LMNTD1: variants seen among roughly 807,000 people sequenced by gnomAD.
LMNTD1 encodes the protein lamin tail domain containing 1.
A neutral mutation model predicts 50.9 loss-of-function variants in LMNTD1; 35 were observed. The observed-to-expected ratio is 0.69, with a 90% CI of 0.53 to 0.91. The LOEUF (loss-of-function observed/expected upper bound fraction) is 0.91. Among genes scored for constraint, LMNTD1 ranks in the 40% least tolerant of loss-of-function variants. LMNTD1 has a pLI of 0.00. For missense variants in LMNTD1, 470 were observed against 475.5 expected (o/e 0.99, Z 0.11); for synonymous variants, 153 against 161.9 (o/e 0.94, Z 0.42).
intron 4 of LMNTD1, among the ~76,000 whole-genome samples, chr12:25,540,984 A>T (rs1270305028): frequency 2.2e-5 from 3 of 136,292 alleles, no homozygotes; most frequent in African/African-American, 7.8e-5. Context: ...CAATTGCTTC[A>T]AAGAGAATAA....
At chr12:25,588,093 C>T (rs952310113) in intron 1 of LMNTD1, among the ~76,000 whole-genome samples, 2 of 152,034 alleles carry the variant, frequency 1.3e-5, no homozygotes, top group Admixed American at 1.3e-4. Context: ...AAGAACTGGC[C>T]ATGTCTCAGA....
At chr12:25,507,645 A>G (rs10743565) in intron 8 of LMNTD1, among the ~76,000 whole-genome samples, 99,660 of 152,054 alleles carry the variant, frequency 0.66, 33,108 homozygotes, top group Non-Finnish European at 0.71. Flanking sequence ...ACACACTCCC[A>G]GGGCATGATC....
At chr12:25,495,237 A>G (rs749025788) in intron 9 of LMNTD1, among the ~76,000 whole-genome samples, 5 of 113,002 alleles carry the variant, frequency 4.4e-5, no homozygotes, top group Admixed American at 9.9e-5. Flanking sequence ...TGCCAAAATC[A>G]TAAAGTGTGT....
At chr12:25,489,290 C>T (rs1195401120) in intron 9 of LMNTD1, among the ~76,000 whole-genome samples, 2 of 150,450 alleles carry the variant, frequency 1.3e-5, no homozygotes, top group African/African-American at 4.9e-5. Flanking sequence ...ATTCCGTGGG[C>T]GTAGGACCCT....
rs1325711537 is a variant in LMNTD1 at position 25,508,682 on chromosome 12, T to C, written c.1190-4882A>G. Reference sequence around the variant, plus strand: ...GCTGGTTTATGGGGTAATTAGTATGTGTATATTCATTTTTCTTGCCTTATT... The same window carrying C: ...GCTGGTTTATGGGGTAATTAGTATGCGTATATTCATTTTTCTTGCCTTATT... On this transcript the variant is annotated intron_variant, in intron 8 of 9. Coordinates refer to ENST00000458174, the MANE Select transcript of LMNTD1 (RefSeq NM_001145728.2). 2.0e-5 allele frequency among the ~76,000 whole-genome samples: 3 copies of C among 152,278 alleles called. No individual in the cohort carries two copies. In the East Asian group the frequency reaches 5.8e-4, roughly 29 times the overall value.
At chr12:25,532,436 A>G (rs1224866341) in intron 4 of LMNTD1, among the ~76,000 whole-genome samples, 9 of 152,072 alleles carry the variant, frequency 5.9e-5, no homozygotes, top group African/African-American at 1.9e-4. Flanking sequence ...GCCAACTTTT[A>G]TTCACCCAGT....
intron 1 of LMNTD1, among the ~76,000 whole-genome samples, chr12:25,605,409 T>A (rs1946075884): frequency 6.6e-6 from 1 of 152,192 alleles, no homozygotes; most frequent in African/African-American, 2.4e-5. Flanking sequence ...AAACATGAAG[T>A]CCTTGCCCAT....
At chr12:25,608,758 T>A (rs1279852134) in intron 1 of LMNTD1, among the ~76,000 whole-genome samples, 2 of 152,254 alleles carry the variant, frequency 1.3e-5, no homozygotes, top group Non-Finnish European at 2.9e-5. Flanking sequence ...TTAGCATTTT[T>A]TCCTTCATTT....
At chr12:25,617,464 G>A (rs1000836234) in intron 1 of LMNTD1, among the ~76,000 whole-genome samples, 1 of 152,150 alleles carries the variant, frequency 6.6e-6, no homozygotes, top group Non-Finnish European at 1.5e-5. Flanking sequence ...GCCTTTAGCA[G>A]GAGAATGGGC....
chr12:25,644,344 G>T (rs1045801504), intron 1 of LMNTD1, among the ~76,000 whole-genome samples: 4 of 138,962 alleles, frequency 2.9e-5, no homozygotes, highest in Non-Finnish European at 6.2e-5. Flanking sequence ...AATTAGCCAA[G>T]CATGGTGGCA....
At chr12:25,479,185 A>T (rs1686555062) in intron 9 of LMNTD1, among the ~76,000 whole-genome samples, 1 of 152,072 alleles carries the variant, frequency 6.6e-6, no homozygotes, top group Non-Finnish European at 1.5e-5. Context: ...GGCAATCTTA[A>T]CTTCCAGTTT....
intron 9 of LMNTD1, among the ~76,000 whole-genome samples, chr12:25,489,591 C>T (rs1005159751): frequency 6.6e-5 from 10 of 150,562 alleles, no homozygotes; most frequent in African/African-American, 1.7e-4. Flanking sequence ...CAGTCTTCTG[C>T]GTCGCTCACG....
chr12:25,604,453 T>C (rs1219499951), intron 1 of LMNTD1, among the ~76,000 whole-genome samples: 2 of 152,088 alleles, frequency 1.3e-5, no homozygotes, highest in African/African-American at 4.8e-5. Context: ...ACCCATTAAC[T>C]CGTCATTTAG....
intron 1 of LMNTD1, among the ~76,000 whole-genome samples, chr12:25,630,419 C>A (rs1946690640): frequency 6.6e-6 from 1 of 152,052 alleles, no homozygotes; most frequent in Non-Finnish European, 1.5e-5. Flanking sequence ...AATCAGCAGT[C>A]CCGAGAAGAC....
chr12:25,648,080 T>A (rs1947112510), intron 1 of LMNTD1, among the ~76,000 whole-genome samples: 2 of 152,208 alleles, frequency 1.3e-5, no homozygotes, highest in African/African-American at 4.8e-5. Context: ...ATAAAAGTAA[T>A]GCATATTTAT....
chr12:25,618,234 C>A lies in LMNTD1; in HGVS notation c.58+30260G>T, dbSNP rs79077885. Among the ~76,000 whole-genome samples the A allele has an allele frequency of 4.5e-3, 679 of 152,214 alleles. 2 individuals carry two copies. The highest frequency in any genetic ancestry group is 0.016 in the African/African-American group (654 of 41,526). ...ATCTCAGCCAAGCCTGCCCATTAGT[C>A]AGTAGGGGAGCTTTTAGAAAGTTCC... On this transcript the variant is annotated intron_variant, in intron 1 of 7. Transcript: ENST00000445693.
chr12:25,648,097 G>A (rs1240059803), intron 1 of LMNTD1, among the ~76,000 whole-genome samples: 2 of 152,106 alleles, frequency 1.3e-5, no homozygotes, highest in Admixed American at 6.5e-5. Flanking sequence ...TTATTGGAGG[G>A]AATTTGGAAA....
chr12:25,619,366 T>A (rs948494686), intron 1 of LMNTD1, among the ~76,000 whole-genome samples: 1 of 151,974 alleles, frequency 6.6e-6, no homozygotes, highest in Non-Finnish European at 1.5e-5. Flanking sequence ...TGACTTAAAA[T>A]GTAAAAGTTC....
intron 1 of LMNTD1, among the ~76,000 whole-genome samples, chr12:25,595,506 GA>G (rs1448192308): frequency 6.6e-6 from 1 of 152,038 alleles, no homozygotes; most frequent in Non-Finnish European, 1.5e-5. Flanking sequence ...AATAAAGATG[GA>G]AATTAAAAAA....
Sources: allele counts gnomAD v4.1 joint callset (sites outside exome capture counted in the v4.1 genomes callset), GRCh38; gene constraint gnomAD v4.1.1; transcripts MANE v1.5; gene names NCBI Gene and HGNC (gene_info 2026-07-23, HGNC 2026-07-21).